The following PCMTD1 variants were observed in gnomAD, a reference collection of about 807,000 sequenced individuals.
The protein encoded by PCMTD1 is protein-L-isoaspartate O-methyltransferase domain-containing protein 1.
PCMTD1 carries 12 observed loss-of-function variants against 37.6 expected under a neutral mutation model. That is an observed-to-expected ratio of 0.32 (90% CI 0.20 to 0.52). The LOEUF is 0.52. Ranked by LOEUF, PCMTD1 falls within the 20% of genes least tolerant of loss-of-function variation. The probability of loss-of-function intolerance (pLI) is 0.97; values close to 1 mark genes in which losing one functional copy is unlikely to be tolerated. For missense variants in PCMTD1, 235 were observed against 421.3 expected (o/e 0.56, Z 3.87); for synonymous variants, 117 against 135.8 (o/e 0.86, Z 0.96).
rs149290316 is a variant in PCMTD1, at chr8:51,897,785, T to TTGGA, written c.-96+1141_-96+1144dup. Among the ~76,000 whole-genome samples the TTGGA allele has an allele frequency of 2.1e-3, 327 of 152,268 alleles. 2 individuals carry two copies. Among genetic ancestry groups the TTGGA allele is most frequent in the African/African-American group, 7.4e-3 (309 of 41,564 alleles). On this transcript the variant is annotated intron_variant, in intron 1 of 5. Transcript: ENST00000522514. The stretch of plus-strand genomic sequence containing the variant: ...AAAGGCTTCCCCAAGCCTACGTAGA[T>TTGGA]TGGATTCTCTAATACATAGTAATAA...
At chr8:51,831,402 C>A in intron 5 of PCMTD1, 42 bp downstream of exon 5, 1 of 1,593,298 alleles carries the variant, frequency 6.3e-7, no homozygotes, top group Non-Finnish European at 8.6e-7. Context: ...AGCCAAACAC[C>A]ATAAGTCATA....
At chr8:51,894,132 A>G (rs1295644795) in intron 1 of PCMTD1, among the ~76,000 whole-genome samples, 1 of 152,176 alleles carries the variant, frequency 6.6e-6, no homozygotes, top group Non-Finnish European at 1.5e-5. Flanking sequence ...CGCTGTATAA[A>G]CTAGACTTTT....
At chr8:51,892,392 C>T (rs2038948741) in intron 1 of PCMTD1, among the ~76,000 whole-genome samples, 1 of 152,186 alleles carries the variant, frequency 6.6e-6, no homozygotes, top group Non-Finnish European at 1.5e-5. Flanking sequence ...CACTACCATC[C>T]CAACTCTTCC....
chr8:51,820,737 CG>C lies in PCMTD1; in HGVS notation c.707-20del, dbSNP rs1236510448. On this transcript the variant is annotated intron_variant, in intron 5 of 5. Transcript: ENST00000522514. ...CAGGGAGCTAAAAACAAACATAAAA[CG>C]CAAGAAAGAAAATATTAACAATAAA... 6.4e-6 allele frequency: 10 copies of C among 1,560,754 alleles called. No homozygotes were observed. Among genetic ancestry groups the C allele is most frequent in the Non-Finnish European group, 8.6e-6 (10 of 1,157,982 alleles).
chr8:51,884,704 T>C (rs770763269), intron 1 of PCMTD1, among the ~76,000 whole-genome samples: 11 of 152,280 alleles, frequency 7.2e-5, no homozygotes, highest in East Asian at 1.9e-4. Context: ...AATAGACAGC[T>C]TTCCCCAGCA....
intron 2 of PCMTD1, among the ~76,000 whole-genome samples, chr8:51,851,296 A>T (rs1753826637): frequency 6.6e-6 from 1 of 152,188 alleles, no homozygotes; most frequent in South Asian, 2.1e-4. Context: ...ATGGCTATGT[A>T]AATGCTACTC....
intron 5 of PCMTD1, 133 bp from the exon 6 acceptor site, chr8:51,820,851 T>C: frequency 9.3e-7 from 1 of 1,075,150 alleles, no homozygotes; most frequent in East Asian, 2.8e-5. Context: ...AACTCTACCT[T>C]TCATCTAACA....
At chr8:51,875,218 G>GA (rs1414615296) in intron 1 of PCMTD1, among the ~76,000 whole-genome samples, 4 of 151,918 alleles carry the variant, frequency 2.6e-5, no homozygotes, top group African/African-American at 9.7e-5. Context: ...ACATTTTAAG[G>GA]AAAAAAATAC....
At chr8:51,837,843 G>A (rs555407971) in intron 3 of PCMTD1, among the ~76,000 whole-genome samples, 23 of 152,078 alleles carry the variant, frequency 1.5e-4, no homozygotes, top group South Asian at 6.2e-4. Context: ...GCAGTGGTGC[G>A]ATCTTAGCTC....
chr8:51,873,514 C>T (rs2038666910), intron 1 of PCMTD1, among the ~76,000 whole-genome samples: 1 of 152,146 alleles, frequency 6.6e-6, no homozygotes, highest in Non-Finnish European at 1.5e-5. Context: ...ATGGTATAGG[C>T]TCTAAAGTGC....
intron 1 of PCMTD1, among the ~76,000 whole-genome samples, chr8:51,871,693 C>A (rs2038641445): frequency 6.6e-6 from 1 of 152,122 alleles, no homozygotes; most frequent in African/African-American, 2.4e-5. Flanking sequence ...ATGGTCTTAG[C>A]GAACATCTAA....
chr8:51,863,087 G>C (rs74953260), intron 1 of PCMTD1, among the ~76,000 whole-genome samples: 17,772 of 151,266 alleles, frequency 0.12, 1,280 homozygotes, highest in East Asian at 0.17. Context: ...CTGGCACTCA[G>C]AGTGAATCTC....
rs575443027 is a variant in PCMTD1, at chr8:51,848,632, T to C, written c.308-2869A>G. Among the ~76,000 whole-genome samples, 4 of 152,074 alleles carry C rather than the reference T, an allele frequency of 2.6e-5. No individual in the cohort carries two copies. In the East Asian group the frequency reaches 7.7e-4, roughly 29 times the overall value. On this transcript the variant is annotated intron_variant, in intron 2 of 5. Coordinates refer to ENST00000522514, the MANE Select transcript of PCMTD1 (RefSeq NM_052937.4). Reference sequence around the variant, plus strand: ...AAAGTGTCAACTTTTGCAAATAAGCTTAAAGAAAATTTCTTAATTTTTTTA... The same window carrying C: ...AAAGTGTCAACTTTTGCAAATAAGCCTAAAGAAAATTTCTTAATTTTTTTA...
At chr8:51,882,971 CA>C (rs71252917) in intron 1 of PCMTD1, among the ~76,000 whole-genome samples, 34,685 of 137,468 alleles carry the variant, frequency 0.25, 7,558 homozygotes, top group African/African-American at 0.59. Flanking sequence ...ACTAAAAATA[CA>C]AAAAAAAAAA....
At chr8:51,855,152 C>G (rs1245360820) in intron 2 of PCMTD1, among the ~76,000 whole-genome samples, 2 of 108,574 alleles carry the variant, frequency 1.8e-5, no homozygotes, top group Non-Finnish European at 3.7e-5. Context: ...CCAGCCTGGG[C>G]AACAAGAGTG....
chr8:51,885,815 CA>C (rs34822909), intron 1 of PCMTD1, among the ~76,000 whole-genome samples: 104,451 of 152,080 alleles, frequency 0.69, 42,353 homozygotes, highest in Non-Finnish European at 0.9. Flanking sequence ...TATGTCTCTA[CA>C]GGGGCATACG....
At chr8:51,895,636 G>C (rs977562582) in intron 1 of PCMTD1, among the ~76,000 whole-genome samples, 6 of 151,832 alleles carry the variant, frequency 4.0e-5, no homozygotes, top group African/African-American at 1.5e-4. Context: ...CATACACATA[G>C]TGTTTGATTC....
chr8:51,831,593 A>G lies in PCMTD1; in HGVS notation c.583-26T>C, dbSNP rs747063836. The G allele has an allele frequency of 1.2e-5, 19 of 1,598,704 alleles. No homozygotes were observed. In the Admixed American group the frequency reaches 2.9e-4, roughly 25 times the overall value. ...CTATTTAGAGAAAAAAAAGAAAGAA[A>G]GTGAACAACTTAATCCCAACAATGT... On this transcript the variant is annotated intron_variant, in intron 4 of 5. Transcript: ENST00000522514.
chr8:51,848,265 C>A (rs1430150931), intron 2 of PCMTD1, among the ~76,000 whole-genome samples: 1 of 147,150 alleles, frequency 6.8e-6, no homozygotes, highest in Non-Finnish European at 1.5e-5. Flanking sequence ...CCGGGCTGGG[C>A]AACAGAGTGA....
Sources: gnomAD v4.1 joint callset for allele counts (sites outside exome capture counted in the v4.1 genomes callset) on GRCh38, gnomAD v4.1.1 for gene constraint, MANE v1.5 for transcripts, NCBI Gene and HGNC (gene_info 2026-07-23, HGNC 2026-07-21) for gene names.